Variants in PLEKHG1 observed in about 807,000 individuals in gnomAD.
PLEKHG1 encodes pleckstrin homology and RhoGEF domain containing G1, also known as pleckstrin homology domain-containing family G member 1.
A neutral mutation model predicts 100.8 loss-of-function variants in PLEKHG1; 44 were observed. That is an observed-to-expected ratio of 0.44 (90% confidence interval 0.34 to 0.56). The LOEUF is 0.56. Among genes scored for constraint, PLEKHG1 ranks in the 20% least tolerant of loss-of-function variants. PLEKHG1 has a pLI of 0.01. For missense variants in PLEKHG1, 1,545 were observed against 1,720.9 expected (o/e 0.90, Z 1.81); for synonymous variants, 640 against 662.5 (o/e 0.97, Z 0.52).
intron 3 of PLEKHG1, among the ~76,000 whole-genome samples, chr6:150,670,705 C>T (rs1054225233): frequency 6.6e-6 from 1 of 152,154 alleles, no homozygotes; most frequent in Non-Finnish European, 1.5e-5. Context: ...GTTGTTGACC[C>T]CACATAGTCC....
In PLEKHG1 at chr6:150,769,547, A is replaced by G. The variant is rs114534503; in HGVS notation, c.512+809A>G. Among the ~76,000 whole-genome samples, 1,203 of 143,586 alleles carry G rather than the reference A, an allele frequency of 8.4e-3. 19 individuals carry two copies. Among genetic ancestry groups the G allele is most frequent in the African/African-American group, 0.031 (1,147 of 37,400 alleles). The allele number at this position is 143,586 out of a possible 152,430, so 94.2% of individuals were successfully genotyped here. ...AGTGAGCCAAGACTGCACCACTGCA[A>G]TCTGTCCAGCCAGGGTGACAGAGCA... On this transcript the variant is annotated intron_variant, in intron 3 of 15. Coordinates refer to ENST00000358517, the Ensembl canonical transcript of PLEKHG1.
At position 150,724,984 on chromosome 6, in the gene PLEKHG1, A is replaced by G. The variant is rs184060976; in HGVS notation, c.-99+3784A>G. 1.9e-3 allele frequency among the ~76,000 whole-genome samples: 283 copies of G among 152,346 alleles called. 6 individuals are homozygous for G. The highest frequency in any genetic ancestry group is 0.017 in the Admixed American group (262 of 15,304). Reference sequence around the variant, plus strand: ...TAATCCCTACTCAACTGAGGTAGCCATTATACCTCTTAGTTTCCATTGACT... The same window carrying G: ...TAATCCCTACTCAACTGAGGTAGCCGTTATACCTCTTAGTTTCCATTGACT... On this transcript the variant is annotated intron_variant, in intron 1 of 15. Transcript: ENST00000358517.
At chr6:150,676,932 C>T (rs533908171) in intron 3 of PLEKHG1, among the ~76,000 whole-genome samples, 3 of 152,034 alleles carry the variant, frequency 2.0e-5, no homozygotes, top group Non-Finnish European at 2.9e-5. Flanking sequence ...TCCTTCATAG[C>T]CCAGCCCCAT....
intron 3 of PLEKHG1, among the ~76,000 whole-genome samples, chr6:150,713,436 C>G (rs967647058): frequency 6.6e-6 from 1 of 152,150 alleles, no homozygotes; most frequent in Admixed American, 6.5e-5. Context: ...AATATCAGTG[C>G]AAACCACCCA....
chr6:150,614,142 C>G (rs776426012), intron 1 of PLEKHG1, among the ~76,000 whole-genome samples: 2 of 152,116 alleles, frequency 1.3e-5, no homozygotes, highest in East Asian at 3.9e-4. Context: ...AAAAGAAAAC[C>G]TACTTGACTC....
chr6:150,604,232 C>T (rs1025447185), intron 1 of PLEKHG1, among the ~76,000 whole-genome samples: 6 of 152,144 alleles, frequency 3.9e-5, no homozygotes, highest in Non-Finnish European at 5.9e-5. Flanking sequence ...ATTAAATGAG[C>T]TCTAATATTT....
intron 2 of PLEKHG1, among the ~76,000 whole-genome samples, chr6:150,639,354 G>A (rs1582862318): frequency 6.6e-6 from 1 of 152,030 alleles, no homozygotes; most frequent in East Asian, 1.9e-4. Flanking sequence ...ACATATTCAT[G>A]GAATACATAA....
chr6:150,624,183 C>T (rs1351868795), intron 1 of PLEKHG1, among the ~76,000 whole-genome samples: 1 of 152,208 alleles, frequency 6.6e-6, no homozygotes, highest in Non-Finnish European at 1.5e-5. Flanking sequence ...ACCTCCTGTT[C>T]CAGGTCTTTC....
chr6:150,636,385 G>A lies in PLEKHG1; in HGVS notation c.-203-1695G>A, dbSNP rs1180099151. Among the ~76,000 whole-genome samples, 7 of 152,246 alleles carry A rather than the reference G, an allele frequency of 4.6e-5. No individual in the cohort carries two copies. In the South Asian group the frequency reaches 6.2e-4, roughly 14 times the overall value. On this transcript the variant is annotated intron_variant, in intron 1 of 3. Transcript: ENST00000367326. ...ATTGTGTCTTTTGAGCCGTTCTGAC[G>A]TGGATGAACTCTGGTTTCTCCAGCA...
chr6:150,719,625 T>C (rs1269502894), upstream of PLEKHG1, among the ~76,000 whole-genome samples: 1 of 152,138 alleles, frequency 6.6e-6, no homozygotes, highest in East Asian at 1.9e-4. Flanking sequence ...TTGTAGCAGA[T>C]CAAACGGGAG....
chr6:150,603,091 AAAT>A (rs1380086900), intron 1 of PLEKHG1, among the ~76,000 whole-genome samples: 40 of 128,342 alleles, frequency 3.1e-4, no homozygotes, highest in African/African-American at 4.9e-4. Flanking sequence ...AAAAAAAAAA[AAAT>A]AAAAAAAAAG....
chr6:150,837,284 T>C (rs901453059), intron 15 of PLEKHG1, among the ~76,000 whole-genome samples: 4 of 152,230 alleles, frequency 2.6e-5, no homozygotes, highest in Non-Finnish European at 5.9e-5. Context: ...GTACACACTA[T>C]GTAAGACTTC....
chr6:150,689,374 A>G (rs966396155), intron 3 of PLEKHG1, among the ~76,000 whole-genome samples: 3 of 152,172 alleles, frequency 2.0e-5, no homozygotes, highest in African/African-American at 7.2e-5. Context: ...ATATAACTTA[A>G]GTGTGAAGAG....
intron 2 of PLEKHG1, among the ~76,000 whole-genome samples, chr6:150,763,927 G>C (rs1003248985): frequency 2.0e-5 from 3 of 152,074 alleles, no homozygotes; most frequent in African/African-American, 7.2e-5. Flanking sequence ...AGCCCACATG[G>C]CTGATCAGTC....
chr6:150,788,860 T>C (rs762780225), intron 4 of PLEKHG1, among the ~76,000 whole-genome samples: 4 of 152,108 alleles, frequency 2.6e-5, no homozygotes, highest in Non-Finnish European at 5.9e-5. Flanking sequence ...TGAGTGTGTG[T>C]GCACACACAC....
intron 3 of PLEKHG1, 34 bp downstream of exon 4, chr6:150,768,772 C>G (rs756604749): frequency 1.6e-6 from 2 of 1,214,508 alleles, no homozygotes; most frequent in Non-Finnish European, 2.4e-6. Context: ...TTCTCACATA[C>G]GAGCATTATG....
intron 3 of PLEKHG1, among the ~76,000 whole-genome samples, chr6:150,710,888 C>T (rs376526843): frequency 1.4e-4 from 21 of 152,142 alleles, no homozygotes; most frequent in African/African-American, 5.1e-4. Flanking sequence ...CCAAACTAGG[C>T]CTGGTCCCCT....
At chr6:150,737,117 A>T (rs990049669) in intron 2 of PLEKHG1, among the ~76,000 whole-genome samples, 2 of 152,164 alleles carry the variant, frequency 1.3e-5, no homozygotes, top group African/African-American at 4.8e-5. Flanking sequence ...TAGTTGGTTG[A>T]AGCCTCTTCA....
intron 2 of PLEKHG1, among the ~76,000 whole-genome samples, chr6:150,734,544 C>T (rs1161456829): frequency 6.6e-6 from 1 of 152,158 alleles, no homozygotes; most frequent in African/African-American, 2.4e-5. Flanking sequence ...TACTCAGCAA[C>T]TGTGATTTCA....
Sources: allele counts gnomAD v4.1 joint callset (sites outside exome capture counted in the v4.1 genomes callset), GRCh38; gene constraint gnomAD v4.1.1; transcripts MANE v1.5; gene names NCBI Gene and HGNC (gene_info 2026-07-23, HGNC 2026-07-21).